The following SNX31 variants were observed in gnomAD, a reference collection of about 807,000 sequenced individuals.
The protein encoded by SNX31 is sorting nexin 31.
Under a neutral mutation model 65.4 loss-of-function variants are expected in SNX31, and 58 were observed. That is an observed-to-expected ratio of 0.89 (90% CI 0.72 to 1.10). The LOEUF is 1.10. Ranked by LOEUF, SNX31 falls within the 50% of genes least tolerant of loss-of-function variation. SNX31 has a pLI of 0.00. For synonymous variants in SNX31, 181 were observed against 190.1 expected (o/e 0.95, Z 0.39); for missense variants, 523 against 529.7 (o/e 0.99, Z 0.12).
Position 100,612,907 on chromosome 8 carries a change from C to A in SNX31, c.523+88G>T. 8.7e-7 allele frequency: 1 copy of A among 1,143,106 alleles called. No homozygotes were observed. Among genetic ancestry groups the A allele is most frequent in the Non-Finnish European group, 1.3e-6 (1 of 754,162 alleles). The allele number at this position is 1,143,106 out of a possible 1,614,324, so 70.8% of individuals were successfully genotyped here. On this transcript the variant is annotated intron_variant, in intron 6 of 13. Transcript: ENST00000311812. This position sits in a 1 kb window ranked among gnomAD's most constrained non-coding sequence, Gnocchi z 4.3. ...GTAGGGATCACAGCCCAGTGGGTGG[C>A]CAGCCCCTCAGCTGTGACTCCTATG...
At chr8:100,650,612 GTGCTTGCTGGGTGCCAGGACCTGACATA>G (rs1370522324), upstream of SNX31, among the ~76,000 whole-genome samples, 1 of 152,142 alleles carries the variant, frequency 6.6e-6, no homozygotes, top group Non-Finnish European at 1.5e-5. Context: ...TGCCTCCTGC[GTGCTTGCTGGGTGCCAGGACCTGACATA>G]TGCTATGCCA....
chr8:100,624,543 T>A (rs1233113894), intron 4 of SNX31, among the ~76,000 whole-genome samples: 1 of 152,154 alleles, frequency 6.6e-6, no homozygotes, highest in Non-Finnish European at 1.5e-5. Context: ...AGCAATATAA[T>A]AAAGAGGAGA....
chr8:100,655,359 C>G (rs1820039002), intron 1 of SNX31, among the ~76,000 whole-genome samples: 1 of 152,086 alleles, frequency 6.6e-6, no homozygotes, highest in Admixed American at 6.5e-5. Context: ...TGGCTGTATC[C>G]CCACCCAAAT....
chr8:100,612,144 T>A lies in SNX31; in HGVS notation c.524-57A>T, dbSNP rs1482289571. On this transcript the variant is annotated intron_variant, in intron 6 of 13. Coordinates refer to ENST00000311812, the MANE Select transcript of SNX31 (RefSeq NM_152628.4). The surrounding 1 kb of genome is among the most constrained non-coding windows in gnomAD (Gnocchi z 4.3). Reference sequence around the variant, plus strand: ...TGAAACAGCACAGACAGCTTATATATAGCAGCTTTCAAATGAGAAAATAAA... The same window carrying A: ...TGAAACAGCACAGACAGCTTATATAAAGCAGCTTTCAAATGAGAAAATAAA... The A allele has an allele frequency of 8.4e-5, 89 of 1,064,268 alleles. No homozygotes were observed. Among genetic ancestry groups the A allele is most frequent in the Non-Finnish European group, 1.2e-4 (86 of 699,288 alleles). 65.9% of individuals were successfully genotyped at this position (1,064,268 alleles called of 1,614,324 possible). A position where few individuals can be genotyped will look rare whatever the true frequency, so the allele number is the denominator to read the frequency against.
intron 4 of SNX31, among the ~76,000 whole-genome samples, chr8:100,623,309 G>A (rs535728980): frequency 2.9e-4 from 44 of 152,274 alleles, no homozygotes; most frequent in African/African-American, 9.6e-4. Context: ...GGGGGAGGGC[G>A]CTAAACCATT....
intron 2 of SNX31, among the ~76,000 whole-genome samples, chr8:100,644,618 G>A (rs1819501363): frequency 6.6e-6 from 1 of 152,190 alleles, no homozygotes; most frequent in Non-Finnish European, 1.5e-5. Context: ...GGTCACAGCA[G>A]AGCCCATGGA....
In SNX31 at chr8:100,581,356, T is replaced by A. The variant is rs1212608052; in HGVS notation, c.1170+2755A>T. Among the ~76,000 whole-genome samples, 8 of 147,018 alleles carry A rather than the reference T, an allele frequency of 5.4e-5. No homozygotes were observed. The East Asian group carries it at 9.8e-4, about 18-fold the overall frequency. ...ATCTATCTATATATATATATATATA[T>A]AATTTAAGAACTTAATATATTTTTG... On this transcript the variant is annotated intron_variant, in intron 12 of 13. Transcript: ENST00000311812.
intron 11 of SNX31, 74 bp from the exon 12 acceptor site, chr8:100,584,262 A>C (rs1394967494): frequency 2.5e-5 from 31 of 1,237,622 alleles, no homozygotes; most frequent in Non-Finnish European, 3.4e-5. Context: ...CTCACACCAC[A>C]AAGCGGATTT....
intron 4 of SNX31, among the ~76,000 whole-genome samples, chr8:100,624,843 C>T (rs1817941354): frequency 6.6e-6 from 1 of 151,876 alleles, no homozygotes; most frequent in South Asian, 2.1e-4. Context: ...GCTCTGTTTC[C>T]CAGGCTGGAG....
intron 2 of SNX31, among the ~76,000 whole-genome samples, chr8:100,645,702 C>T (rs1485817609): frequency 6.6e-6 from 1 of 151,322 alleles, no homozygotes; most frequent in Non-Finnish European, 1.5e-5. Flanking sequence ...ACCTCCACCT[C>T]CCAGGCTCAA....
chr8:100,606,903 G>A (rs1157762972), intron 8 of SNX31, among the ~76,000 whole-genome samples: 2 of 152,198 alleles, frequency 1.3e-5, no homozygotes, highest in Admixed American at 1.3e-4. Context: ...TTAATACGAT[G>A]CCAGGCCCAC....
chr8:100,583,334 G>A (rs1279004516), intron 12 of SNX31, among the ~76,000 whole-genome samples: 1 of 151,826 alleles, frequency 6.6e-6, no homozygotes, highest in Non-Finnish European at 1.5e-5. Flanking sequence ...TCAAACTCCT[G>A]ACCTCAAGTG....
chr8:100,639,469 C>A (rs1409421462), intron 2 of SNX31, among the ~76,000 whole-genome samples: 1 of 152,112 alleles, frequency 6.6e-6, no homozygotes, highest in East Asian at 1.9e-4. Context: ...CATGTGTATA[C>A]AGAATCAAAC....
chr8:100,656,223 A>C (rs540134082), intron 1 of SNX31, among the ~76,000 whole-genome samples: 1 of 152,258 alleles, frequency 6.6e-6, no homozygotes, highest in Admixed American at 6.5e-5. Context: ...AATATTTAAG[A>C]AGCATGCTTG....
chr8:100,600,307 C>T, intron 9 of SNX31, 42 bp downstream of exon 9: 1 of 1,526,832 alleles, frequency 6.5e-7, no homozygotes, highest in South Asian at 1.1e-5. Context: ...GTTTCTTTAA[C>T]TCCCTTTCAA....
chr8:100,624,797 G>A (rs1175024776), intron 4 of SNX31, among the ~76,000 whole-genome samples: 1 of 152,066 alleles, frequency 6.6e-6, no homozygotes, highest in African/African-American at 2.4e-5. Flanking sequence ...TAAATGAGCT[G>A]CTATCCTTTT....
At chr8:100,592,819 C>T (rs1313110790) in intron 10 of SNX31, among the ~76,000 whole-genome samples, 1 of 152,120 alleles carries the variant, frequency 6.6e-6, no homozygotes, top group Non-Finnish European at 1.5e-5. Context: ...ATGATACATG[C>T]TACAAGAATG....
intron 2 of SNX31, among the ~76,000 whole-genome samples, chr8:100,639,606 A>T (rs1407816653): frequency 2.3e-5 from 1 of 43,240 alleles, no homozygotes; most frequent in Non-Finnish European, 4.3e-5. Context: ...TAGTATGACC[A>T]CATGTTTAGT....
At chr8:100,581,021 T>C (rs1813449336) in intron 12 of SNX31, among the ~76,000 whole-genome samples, 1 of 151,248 alleles carries the variant, frequency 6.6e-6, no homozygotes, top group Non-Finnish European at 1.5e-5. Context: ...AAGGGCCAGG[T>C]ACAGTGGCTC....
Sources: gnomAD v4.1 joint callset for allele counts (sites outside exome capture counted in the v4.1 genomes callset) on GRCh38, gnomAD v4.1.1 for gene constraint, Gnocchi (gnomAD v3.1) non-coding constraint, MANE v1.5 for transcripts, NCBI Gene and HGNC (gene_info 2026-07-23, HGNC 2026-07-21) for gene names.